UQCRC1: variants seen among roughly 807,000 people sequenced by gnomAD.
UQCRC1 encodes cytochrome b-c1 complex subunit 1, mitochondrial.
In UQCRC1, 34 loss-of-function variants were observed where a neutral mutation model predicts 58.0. That is an observed-to-expected ratio of 0.59 (90% confidence interval 0.45 to 0.78). The LOEUF (loss-of-function observed/expected upper bound fraction) is 0.78. UQCRC1 is among the 30% of genes least tolerant of loss of function. The pLI, the probability that UQCRC1 is intolerant of heterozygous loss-of-function variation, is 0.00. For missense variants in UQCRC1, 610 were observed against 646.0 expected (o/e 0.94, Z 0.60); for synonymous variants, 276 against 248.8 (o/e 1.11, Z -1.03).
intron 2 of UQCRC1, 42 bp from the exon 3 acceptor site, chr3:48,605,898 C>A (rs1391970448): frequency 2.5e-6 from 4 of 1,593,010 alleles, no homozygotes; most frequent in African/African-American, 2.7e-5. Flanking sequence ...ACAAACCACT[C>A]CCCAGCCCCC....
At chr3:48,603,379 G>A (rs770245200) in intron 6 of UQCRC1, among the ~76,000 whole-genome samples, 185 bp downstream of exon 6, 1 of 152,200 alleles carries the variant, frequency 6.6e-6, no homozygotes, top group Non-Finnish European at 1.5e-5. Flanking sequence ...AGTCCCAGTG[G>A]TGGCGGCAGG....
intron 12 of UQCRC1, 47 bp downstream of exon 12, chr3:48,599,588 A>T (rs748010622): frequency 1.9e-6 from 3 of 1,597,956 alleles, no homozygotes; most frequent in Non-Finnish European, 1.7e-6. Context: ...AGGCCAAGAG[A>T]ACGGCCTGAG....
rs772676695 is a variant in UQCRC1, at chr3:48,609,281, C to T, written c.91G>A (p.Ala31Thr). 34 of 1,610,380 alleles carry T rather than the reference C, an allele frequency of 2.1e-5. No individual in the cohort carries two copies. Among genetic ancestry groups the T allele is most frequent in the Non-Finnish European group, 2.9e-5 (34 of 1,177,958 alleles). ...RRSPALLRTP[A>T]LRSTATFAQA... is the part of the protein sequence containing the mutation. ...GCGAAGGTTGCCGTACTCCGCAAGG[C>T]TGGCGTCCGCAGCAGGGCCGGCTGT... The change falls in exon 2 of 13, where the codon GCC becomes ACC. Residue 31 changes from alanine (A) to threonine (T), a missense_variant. By Grantham distance (58) the Ala-to-Thr change is moderately conservative. Transcript: ENST00000203407.
chr3:48,602,540 T>C (rs1337074478), intron 6 of UQCRC1, among the ~76,000 whole-genome samples: 1 of 151,100 alleles, frequency 6.6e-6, no homozygotes, highest in Non-Finnish European at 1.5e-5. Context: ...TTTTTTTTTT[T>C]GAGATGGAGT....
intron 2 of UQCRC1, among the ~76,000 whole-genome samples, chr3:48,606,929 G>C (rs377577664): frequency 6.6e-6 from 1 of 151,494 alleles, no homozygotes; most frequent in Non-Finnish European, 1.5e-5. Context: ...GTGTGATGTC[G>C]GCTCACTCAA....
At position 48,609,193 on chromosome 3, in the gene UQCRC1, G is replaced by C; in HGVS notation, c.179C>G (p.Ala60Gly). Reference protein sequence around the residue: ...VSLLDNGLRVASEQSSQPTCT... With the variant: ...VSLLDNGLRVGSEQSSQPTCT... ...AGTGGGCTGAGAGGACTGCTCGGAGGCCACACGCAGGCCGTTGTCCAGCAG... is the reference window on the plus strand; with the variant it reads ...AGTGGGCTGAGAGGACTGCTCGGAGCCCACACGCAGGCCGTTGTCCAGCAG... The change falls in exon 2 of 13, where the codon GCC becomes GGC. Residue 60 changes from alanine (A) to glycine (G), a missense_variant. By Grantham distance (60) the Ala-to-Gly change is moderately conservative. Transcript: ENST00000203407. The C allele has an allele frequency of 6.2e-7, 1 of 1,612,666 alleles. No homozygotes were observed. Among genetic ancestry groups the C allele is most frequent in the East Asian group, 2.2e-5 (1 of 44,872 alleles).
chr3:48,609,388 G>A (rs542603344), intron 1 of UQCRC1, 86 bp from the exon 2 acceptor site: 18 of 1,532,674 alleles, frequency 1.2e-5, no homozygotes, highest in African/African-American at 5.5e-5. Context: ...CCCGAACCCC[G>A]CCCCTAGGCA....
intron 12 of UQCRC1, 159 bp from the exon 13 acceptor site, chr3:48,599,351 G>A: frequency 2.3e-6 from 2 of 870,464 alleles, no homozygotes; most frequent in Non-Finnish European, 3.5e-6. Flanking sequence ...TGCTGAGCCT[G>A]TCCCTTCATG....
chr3:48,608,863 T>G (rs1170845903), intron 2 of UQCRC1, among the ~76,000 whole-genome samples: 2 of 152,240 alleles, frequency 1.3e-5, no homozygotes, highest in East Asian at 3.8e-4. Context: ...ATTTTCCGCA[T>G]TATAAGAGGA....
chr3:48,606,311 A>G (rs2046410937), intron 2 of UQCRC1, among the ~76,000 whole-genome samples: 1 of 152,194 alleles, frequency 6.6e-6, no homozygotes, highest in Admixed American at 6.5e-5. Flanking sequence ...ATTGGTTTAG[A>G]CTGTATATTT....
chr3:48,604,500 C>G, intron 4 of UQCRC1, 69 bp from the exon 5 acceptor site: 5 of 1,591,508 alleles, frequency 3.1e-6, no homozygotes, highest in Non-Finnish European at 4.3e-6. Context: ...ACAAAATCCC[C>G]AGGCCTGGCA....
intron 2 of UQCRC1, 118 bp from the exon 3 acceptor site, chr3:48,605,974 G>T: frequency 1.0e-6 from 1 of 970,812 alleles, no homozygotes; most frequent in Non-Finnish European, 1.5e-6. Context: ...CCTGGAGTCA[G>T]GGAGAGCTGC....
intron 2 of UQCRC1, among the ~76,000 whole-genome samples, chr3:48,608,853 A>C (rs2046436527): frequency 6.6e-6 from 1 of 152,130 alleles, no homozygotes; most frequent in Admixed American, 6.5e-5. Context: ...TCTGAATCCC[A>C]TTTTCCGCAT....
At chr3:48,599,457 G>A (rs540259918) in intron 12 of UQCRC1, 178 bp downstream of exon 12, 3 of 738,298 alleles carry the variant, frequency 4.1e-6, no homozygotes, top group Admixed American at 2.7e-5. Context: ...TCAAGGAACT[G>A]CTGGGACAGG....
chr3:48,607,079 T>C (rs2046420059), intron 2 of UQCRC1, among the ~76,000 whole-genome samples: 1 of 151,340 alleles, frequency 6.6e-6, no homozygotes, highest in South Asian at 2.1e-4. Context: ...TCTCGCTCTG[T>C]CACCCAGGCT....
Position 48,603,656 on chromosome 3 carries a change from T to C in UQCRC1, c.627-13A>G, listed in dbSNP as rs1458133874. On this transcript the variant is annotated splice_polypyrimidine_tract_variant and intron_variant, in intron 5 of 12. Coordinates refer to ENST00000203407, the MANE Select transcript of UQCRC1 (RefSeq NM_003365.3). ...ACGAGACAGCTTCCTACAAGACATA[T>C]GGTCAGTGTGTCAACACCTCTACCA... The C allele has an allele frequency of 2.5e-6, 4 of 1,612,514 alleles. No homozygotes were observed. The highest frequency in any genetic ancestry group is 1.3e-5 in the African/African-American group (1 of 74,862).
In UQCRC1 at chr3:48,601,418, G is replaced by A; in HGVS notation, c.756C>T (p.Gly252=). The A allele has an allele frequency of 1.2e-6, 2 of 1,614,168 alleles. No homozygotes were observed. Among genetic ancestry groups the A allele is most frequent in the African/African-American group, 2.7e-5 (2 of 75,036 alleles). Residue 252 remains glycine (G), a synonymous_variant, in exon 7 of 13, where the codon GGC becomes GGT. Coordinates refer to ENST00000203407, the MANE Select transcript of UQCRC1 (RefSeq NM_003365.3). ...LLDLAQKHLG[G]IPWTYAEDAV... ...CGTCCTCTGCATATGTCCATGGGAT[G>A]CCACCGAGGTGCTTCTGGGCGAGGT...
rs760262856 is a variant in UQCRC1, at chr3:48,609,571, A to G, written c.50T>C (p.Leu17Pro). The G allele has an allele frequency of 6.4e-7, 1 of 1,570,170 alleles. No homozygotes were observed. Among genetic ancestry groups the G allele is most frequent in the African/African-American group, 1.4e-5 (1 of 74,068 alleles). Residue 17 changes from leucine (L) to proline (P), a missense_variant, in exon 1 of 13, where the codon CTA (leucine) becomes CCA (proline). By Grantham distance (98) the Leu-to-Pro change is moderately conservative. Transcript: ENST00000203407. ...CCTCACCGAGCGGCGGGCGCGCAAT[A>G]GCACTTGTGCCCCGGCGGTAGCGGC... ...CRAATAGAQV[L>P]LRARRSPALL...
At chr3:48,606,503 C>T (rs535464509) in intron 2 of UQCRC1, among the ~76,000 whole-genome samples, 1 of 152,302 alleles carries the variant, frequency 6.6e-6, no homozygotes, top group South Asian at 2.1e-4. Flanking sequence ...AATCCCAGCA[C>T]TTTGGGAGGC....
Sources: gnomAD v4.1 joint callset for allele counts (sites outside exome capture counted in the v4.1 genomes callset) on GRCh38, gnomAD v4.1.1 for gene constraint, MANE v1.5 for transcripts, NCBI Gene and HGNC (gene_info 2026-07-23, HGNC 2026-07-21) for gene names.